GRIN2A: variants seen among roughly 807,000 people sequenced by gnomAD.
GRIN2A encodes glutamate receptor ionotropic, NMDA 2A.
GRIN2A carries 22 observed loss-of-function variants against 113.4 expected under a neutral mutation model. The observed-to-expected ratio is 0.19, with a 90% CI of 0.14 to 0.28. The LOEUF (loss-of-function observed/expected upper bound fraction) is 0.28, where lower values mean the gene tolerates loss of function less well. GRIN2A is among the 10% of genes least tolerant of loss of function. GRIN2A has a pLI of 1.00. For synonymous variants in GRIN2A, 827 were observed against 738.4 expected (o/e 1.12, Z -1.94); for missense variants, 1,502 against 1,887.0 (o/e 0.80, Z 3.78).
At chr16:9,828,615 T>A (rs1255090382) in intron 9 of GRIN2A, among the ~76,000 whole-genome samples, 4 of 152,220 alleles carry the variant, frequency 2.6e-5, no homozygotes, top group African/African-American at 9.6e-5. Flanking sequence ...GGATGTTTCC[T>A]GAACTAAAGT....
chr16:10,000,321 C>A (rs995355753), intron 2 of GRIN2A, among the ~76,000 whole-genome samples: 1 of 152,146 alleles, frequency 6.6e-6, no homozygotes, highest in Non-Finnish European at 1.5e-5. Flanking sequence ...ACCACTGCGG[C>A]TATTTCTACA....
In GRIN2A at chr16:9,969,138, G is replaced by A. The variant is rs186111221; in HGVS notation, c.415-30587C>T. On this transcript the variant is annotated intron_variant, in intron 2 of 12. Coordinates refer to ENST00000330684, the MANE Select transcript of GRIN2A (RefSeq NM_001134407.3). ...ACACTTCAAATGCTCAGTAGACACA[G>A]GGAGTCAATGGCCATCCTGTTGCAC... 4.6e-5 allele frequency among the ~76,000 whole-genome samples: 7 copies of A among 152,146 alleles called. No homozygotes were observed. The East Asian group carries it at 1.4e-3, about 29-fold the overall frequency.
intron 3 of GRIN2A, among the ~76,000 whole-genome samples, chr16:9,933,072 G>A (rs894657393): frequency 6.6e-6 from 1 of 152,238 alleles, no homozygotes; most frequent in Non-Finnish European, 1.5e-5. Context: ...TGAAGGAACA[G>A]ATGTTTAATA....
chr16:10,057,517 GA>G (rs950626017), intron 2 of GRIN2A, among the ~76,000 whole-genome samples: 12 of 151,876 alleles, frequency 7.9e-5, no homozygotes, highest in African/African-American at 2.7e-4. Flanking sequence ...TTCTATGAAG[GA>G]AAAAAATACA....
intron 4 of GRIN2A, among the ~76,000 whole-genome samples, chr16:9,858,052 C>A (rs927579011): frequency 6.6e-6 from 1 of 152,170 alleles, no homozygotes; most frequent in Non-Finnish European, 1.5e-5. Flanking sequence ...CGAATAGGCA[C>A]GTGTCCTTTA....
intron 11 of GRIN2A, among the ~76,000 whole-genome samples, chr16:9,794,215 G>A (rs1902814352): frequency 6.6e-6 from 1 of 152,204 alleles, no homozygotes; most frequent in Non-Finnish European, 1.5e-5. Context: ...CTTTTTCCTA[G>A]GGAAATGCAT....
At chr16:10,040,498 C>G (rs1338717712) in intron 2 of GRIN2A, among the ~76,000 whole-genome samples, 1 of 151,900 alleles carries the variant, frequency 6.6e-6, no homozygotes, top group African/African-American at 2.4e-5. Flanking sequence ...ATTCACACCA[C>G]ACATCCACAC....
chr16:10,090,182 C>T (rs1307186522), intron 2 of GRIN2A, among the ~76,000 whole-genome samples: 5 of 151,944 alleles, frequency 3.3e-5, no homozygotes, highest in African/African-American at 1.2e-4. Context: ...CCAACCCTGT[C>T]AGACCCAAGA....
intron 2 of GRIN2A, among the ~76,000 whole-genome samples, chr16:10,103,456 C>A (rs561826856): frequency 1.3e-5 from 2 of 152,210 alleles, no homozygotes; most frequent in Admixed American, 6.5e-5. Context: ...AGAATCTCAG[C>A]CACATATAAC....
At chr16:10,000,766 C>T (rs150723969) in intron 2 of GRIN2A, among the ~76,000 whole-genome samples, 55 of 152,246 alleles carry the variant, frequency 3.6e-4, no homozygotes, top group African/African-American at 7.7e-4. Flanking sequence ...TCTTCTCTTC[C>T]GCTGCTGTCT....
chr16:9,887,928 A>G lies in GRIN2A; in HGVS notation c.1122+3058T>C, dbSNP rs866752852. On this transcript the variant is annotated intron_variant, in intron 4 of 12. Transcript: ENST00000330684. The stretch of plus-strand genomic sequence containing the variant: ...AAAAAATTAGCCTCTGTGGTGGCAC[A>G]TGCCTGTAATCCCAGCTACTCAGGG... Among the ~76,000 whole-genome samples, 9 of 152,242 alleles carry G rather than the reference A, an allele frequency of 5.9e-5. No homozygotes were observed. In the Middle Eastern group the frequency reaches 0.014, roughly 230 times the overall value.
intron 2 of GRIN2A, among the ~76,000 whole-genome samples, chr16:9,944,356 T>C: frequency 6.6e-6 from 1 of 152,086 alleles, no homozygotes. Flanking sequence ...ATGGATAGCA[T>C]TCTCACGTGC....
intron 4 of GRIN2A, among the ~76,000 whole-genome samples, chr16:9,850,732 G>T (rs896323320): frequency 6.6e-6 from 1 of 152,110 alleles, no homozygotes; most frequent in African/African-American, 2.4e-5. Context: ...GCACAGAGGG[G>T]AGACTGTCAC....
chr16:9,906,202 AC>A (rs1392782665), intron 3 of GRIN2A, among the ~76,000 whole-genome samples: 1 of 152,104 alleles, frequency 6.6e-6, no homozygotes, highest in Non-Finnish European at 1.5e-5. Flanking sequence ...CCTTCTCAAA[AC>A]CCTGAAATGG....
intron 2 of GRIN2A, among the ~76,000 whole-genome samples, chr16:10,121,878 T>A (rs2048842618): frequency 6.6e-6 from 1 of 152,292 alleles, no homozygotes; most frequent in East Asian, 1.9e-4. Flanking sequence ...AGATTTCAAA[T>A]AATGGAAACA....
intron 2 of GRIN2A, among the ~76,000 whole-genome samples, chr16:10,143,165 C>T (rs1431473795): frequency 2.0e-5 from 3 of 152,164 alleles, no homozygotes; most frequent in Non-Finnish European, 4.4e-5. Flanking sequence ...CTGGTGTTTG[C>T]TCCAGGCACT....
At position 9,943,837 on chromosome 16, in the gene GRIN2A, C is replaced by A. The variant is rs527670514; in HGVS notation, c.415-5286G>T. On this transcript the variant is annotated intron_variant, in intron 2 of 12. Coordinates refer to ENST00000330684, the MANE Select transcript of GRIN2A (RefSeq NM_001134407.3). Reference sequence around the variant, plus strand: ...AATAACCTATGCATTGTGCCCCATGCAAGTCTGATTGAAAGGGAATCTCTG... The same window carrying A: ...AATAACCTATGCATTGTGCCCCATGAAAGTCTGATTGAAAGGGAATCTCTG... 3.3e-5 allele frequency among the ~76,000 whole-genome samples: 5 copies of A among 152,322 alleles called. No individual in the cohort carries two copies. The South Asian group carries it at 8.3e-4, about 25-fold the overall frequency.
At chr16:10,144,216 G>A (rs1567330396) in intron 2 of GRIN2A, among the ~76,000 whole-genome samples, 2 of 152,008 alleles carry the variant, frequency 1.3e-5, no homozygotes, top group Non-Finnish European at 2.9e-5. Context: ...AAAATTTTTC[G>A]AGGAGCCGCC....
At chr16:9,891,718 G>A (rs1323885352) in intron 3 of GRIN2A, among the ~76,000 whole-genome samples, 10 of 152,184 alleles carry the variant, frequency 6.6e-5, no homozygotes, top group African/African-American at 1.4e-4. Context: ...AGCTTGACCT[G>A]AAGGCTCAAT....
Sources: gnomAD v4.1 joint callset for allele counts (sites outside exome capture counted in the v4.1 genomes callset) on GRCh38, gnomAD v4.1.1 for gene constraint, MANE v1.5 for transcripts, NCBI Gene and HGNC (gene_info 2026-07-23, HGNC 2026-07-21) for gene names.